NF2: variants seen among roughly 807,000 people sequenced by gnomAD.
NF2 encodes NF2, moesin-ezrin-radixin like (MERLIN) tumor suppressor, also known as merlin.
NF2 carries 8 observed loss-of-function variants against 83.7 expected under a neutral mutation model. The ratio of observed to expected loss-of-function variants is 0.10; its 90% confidence interval spans 0.06 to 0.17. The LOEUF is 0.17. Ranked by LOEUF, NF2 falls within the 10% of genes least tolerant of loss-of-function variation. The pLI, the probability that NF2 is intolerant of heterozygous loss-of-function variation, is 1.00. For synonymous variants in NF2, 266 were observed against 269.6 expected (o/e 0.99, Z 0.13); for missense variants, 533 against 744.4 (o/e 0.72, Z 3.31).
chr22:29,677,720 T>C (rs2067008378), intron 13 of NF2, among the ~76,000 whole-genome samples: 1 of 152,212 alleles, frequency 6.6e-6, no homozygotes, highest in Non-Finnish European at 1.5e-5. Flanking sequence ...GGCACTGCCT[T>C]GGATCCCAGC....
chr22:29,627,225 A>C (rs1184783458), intron 1 of NF2, among the ~76,000 whole-genome samples: 2 of 152,194 alleles, frequency 1.3e-5, no homozygotes, highest in Non-Finnish European at 2.9e-5. Context: ...AGACTCAGAG[A>C]GTGGTGTTAA....
intron 1 of NF2, among the ~76,000 whole-genome samples, chr22:29,608,301 CAG>C (rs1000252083): frequency 6.9e-6 from 1 of 145,182 alleles, no homozygotes; most frequent in Non-Finnish European, 1.5e-5. Flanking sequence ...CTTTTTGAGA[CAG>C]AGTCTCGCTC....
At chr22:29,612,297 T>C (rs1307497392) in intron 1 of NF2, among the ~76,000 whole-genome samples, 1 of 152,104 alleles carries the variant, frequency 6.6e-6, no homozygotes, top group African/African-American at 2.4e-5. Flanking sequence ...CGTGAGCTAG[T>C]GCGCCCAGCC....
intron 1 of NF2, among the ~76,000 whole-genome samples, chr22:29,631,220 A>C (rs557814747): frequency 1.3e-5 from 2 of 152,192 alleles, no homozygotes; most frequent in African/African-American, 2.4e-5. Flanking sequence ...TTCACTTTGC[A>C]ACAGCTTGGA....
chr22:29,621,319 T>C (rs750184212), intron 1 of NF2, among the ~76,000 whole-genome samples: 2 of 152,218 alleles, frequency 1.3e-5, no homozygotes, highest in Non-Finnish European at 2.9e-5. Flanking sequence ...CTCACATGCC[T>C]CTGTTCCCTA....
intron 11 of NF2, among the ~76,000 whole-genome samples, chr22:29,672,653 T>G (rs1449078365): frequency 6.7e-6 from 1 of 148,488 alleles, no homozygotes; most frequent in Non-Finnish European, 1.5e-5. Context: ...TTCACTCTTG[T>G]TGCCCAAGCT....
intron 8 of NF2, among the ~76,000 whole-genome samples, chr22:29,664,404 C>T (rs1398347188): frequency 7.0e-6 from 1 of 143,846 alleles, no homozygotes; most frequent in Non-Finnish European, 1.6e-5. Flanking sequence ...CACACACACA[C>T]ACAGCTCATT....
At chr22:29,689,974 A>C (rs1462694711) in intron 15 of NF2, among the ~76,000 whole-genome samples, 2 of 152,242 alleles carry the variant, frequency 1.3e-5, no homozygotes, top group East Asian at 3.9e-4. Flanking sequence ...GAGAGCTGGA[A>C]GGAGAGTTGG....
At position 29,673,418 on chromosome 22, in the gene NF2, C is replaced by A. The variant is rs781241303; in HGVS notation, c.1272C>A (p.Arg424=). The change falls in exon 12 of 16, where the codon CGC becomes CGA. Residue 424 remains arginine (R), a synonymous_variant. Coordinates refer to ENST00000338641, the MANE Select transcript of NF2 (RefSeq NM_000268.4). ...CGATTCGCACGGAGGAGGAGAAGCG[C>A]CTGATGGAGCAGAAGGTGCTGGAAG... is the stretch of plus-strand genomic sequence containing the variant. ...ATAIRTEEEK[R]LMEQKVLEAE... is the part of the protein sequence containing the mutation. The A allele has an allele frequency of 1.9e-5, 31 of 1,612,662 alleles. No individual in the cohort carries two copies. Among genetic ancestry groups the A allele is most frequent in the Non-Finnish European group, 2.6e-5 (31 of 1,179,652 alleles).
At chr22:29,648,342 T>A (rs1325161836) in intron 4 of NF2, among the ~76,000 whole-genome samples, 1 of 152,094 alleles carries the variant, frequency 6.6e-6, no homozygotes, top group Non-Finnish European at 1.5e-5. Flanking sequence ...TACAAAAAGA[T>A]GTTTCATCTC....
rs760224815 is a variant in NF2 at position 29,674,938 on chromosome 22, C to T, written c.1443C>T (p.Tyr481=). The T allele has an allele frequency of 2.6e-6, 4 of 1,562,376 alleles. No homozygotes were observed. The highest frequency in any genetic ancestry group is 2.6e-6 in the Non-Finnish European group (3 of 1,152,590). The change falls in exon 13 of 16, where the codon TAC becomes TAT. Residue 481 remains tyrosine (Y), a synonymous_variant. Coordinates refer to ENST00000338641, the MANE Select transcript of NF2 (RefSeq NM_000268.4). ...TGGAGATTGCCACCAAGCCCACGTACCCGGTGAGCCTGGGGGCCACCAGCT... is the reference window on the plus strand; with the variant it reads ...TGGAGATTGCCACCAAGCCCACGTATCCGGTGAGCCTGGGGGCCACCAGCT... ...KLLEIATKPT[Y]PPMNPIPAPL...
At chr22:29,624,991 GGT>G (rs1389810039) in intron 1 of NF2, among the ~76,000 whole-genome samples, 1 of 150,676 alleles carries the variant, frequency 6.6e-6, no homozygotes, top group South Asian at 2.1e-4. Flanking sequence ...GGAGTGCAGT[GGT>G]GAGATCTCGG....
Position 29,613,711 on chromosome 22 carries a change from T to TG in NF2, c.114+9599_114+9600insG, listed in dbSNP as rs2065011847. On this transcript the variant is annotated intron_variant, in intron 1 of 15. Coordinates refer to ENST00000338641, the MANE Select transcript of NF2 (RefSeq NM_000268.4). ...GGGGGAGAACTGTCTTGTCTTGTCT[T>TG]TTCTTGCTACATGCCACAGACTGTG... Among the ~76,000 whole-genome samples, 24 of 152,182 alleles carry TG rather than the reference T, an allele frequency of 1.6e-4. No homozygotes were observed. In the South Asian group the frequency reaches 3.5e-3, roughly 22 times the overall value.
chr22:29,613,051 G>C (rs986367721), intron 1 of NF2, among the ~76,000 whole-genome samples: 11 of 151,738 alleles, frequency 7.2e-5, no homozygotes, highest in African/African-American at 2.4e-4. Flanking sequence ...CTGAGATCAC[G>C]CGCCACTGCA....
At chr22:29,675,589 C>T (rs1601653736) in intron 13 of NF2, among the ~76,000 whole-genome samples, 1 of 152,032 alleles carries the variant, frequency 6.6e-6, no homozygotes, top group African/African-American at 2.4e-5. Flanking sequence ...GAGGACACAG[C>T]CCACCCTGGA....
At chr22:29,628,975 G>A (rs2065441484) in intron 1 of NF2, among the ~76,000 whole-genome samples, 1 of 152,000 alleles carries the variant, frequency 6.6e-6, no homozygotes, top group African/African-American at 2.4e-5. Flanking sequence ...AAGGATGTGG[G>A]GTTCAGGATT....
At chr22:29,668,308 T>A in intron 9 of NF2, 25 bp from the exon 10 acceptor site, 2 of 1,582,126 alleles carry the variant, frequency 1.3e-6, no homozygotes, top group Non-Finnish European at 1.7e-6. Flanking sequence ...GATATTAACC[T>A]TTTTGTCTGC....
At chr22:29,627,519 G>A (rs1026677916) in intron 1 of NF2, among the ~76,000 whole-genome samples, 1 of 152,108 alleles carries the variant, frequency 6.6e-6, no homozygotes, top group Non-Finnish European at 1.5e-5. Flanking sequence ...GTGATTGCAT[G>A]GCTCATAAGA....
At chr22:29,666,752 G>A (rs937929369) in intron 9 of NF2, among the ~76,000 whole-genome samples, 7 of 152,154 alleles carry the variant, frequency 4.6e-5, no homozygotes, top group African/African-American at 1.2e-4. Context: ...TGAGGCAGGC[G>A]GATCACCTGA....
Sources: allele counts gnomAD v4.1 joint callset (sites outside exome capture counted in the v4.1 genomes callset), GRCh38; gene constraint gnomAD v4.1.1; transcripts MANE v1.5; gene names NCBI Gene and HGNC (gene_info 2026-07-23, HGNC 2026-07-21).